The following DCDC2C variants were observed in gnomAD, a reference collection of about 807,000 sequenced individuals.
The protein encoded by DCDC2C is doublecortin domain-containing protein 2C.
DCDC2C carries 44 observed loss-of-function variants against 45.0 expected under a neutral mutation model. The observed-to-expected ratio is 0.98, with a 90% CI of 0.77 to 1.26. The LOEUF is 1.26. Among genes scored for constraint, DCDC2C ranks in the 50% most tolerant of loss-of-function variants. DCDC2C has a pLI of 0.00. For missense variants in DCDC2C, 447 were observed against 468.9 expected (o/e 0.95, Z 0.43); for synonymous variants, 187 against 178.8 (o/e 1.05, Z -0.37).
chr2:3,781,850 G>A (rs953849631), intron 9 of DCDC2C, among the ~76,000 whole-genome samples: 1 of 152,154 alleles, frequency 6.6e-6, no homozygotes, highest in African/African-American at 2.4e-5. Flanking sequence ...GGGTGACAGA[G>A]AGAGACTCTG....
At position 3,781,679 on chromosome 2, in the gene DCDC2C, G is replaced by C. The variant is rs1296086643; in HGVS notation, c.1023+2795G>C. Among the ~76,000 whole-genome samples, 7 of 152,138 alleles carry C rather than the reference G, an allele frequency of 4.6e-5. No individual in the cohort carries two copies. In the East Asian group the frequency reaches 1.3e-3, roughly 29 times the overall value. The stretch of plus-strand genomic sequence containing the variant: ...GTTTGAGAACAGCCTGAGAAACATA[G>C]TGAGACCCTGTTTCTACAAAAAATT... On this transcript the variant is annotated intron_variant, in intron 9 of 10. Coordinates refer to ENST00000399143, the MANE Select transcript of DCDC2C (RefSeq NM_001287444.2).
intron 8 of DCDC2C, 124 bp downstream of exon 8, chr2:3,769,535 C>T: frequency 1.2e-6 from 1 of 857,288 alleles, no homozygotes; most frequent in South Asian, 1.7e-5. Flanking sequence ...GTTCTGTGTT[C>T]CTCCTAGTTA....
chr2:3,746,675 G>A (rs1669373421), intron 4 of DCDC2C, among the ~76,000 whole-genome samples: 1 of 152,178 alleles, frequency 6.6e-6, no homozygotes, highest in Non-Finnish European at 1.5e-5. Flanking sequence ...ACATCTGGAA[G>A]AACATGTTCC....
chr2:3,723,763 C>A (rs1281843841), intron 2 of DCDC2C, among the ~76,000 whole-genome samples: 2 of 152,098 alleles, frequency 1.3e-5, no homozygotes, highest in Non-Finnish European at 1.5e-5. Flanking sequence ...GACGGATGCG[C>A]AGATGGCATA....
intron 10 of DCDC2C, among the ~76,000 whole-genome samples, chr2:3,842,828 G>A (rs529177207): frequency 6.6e-6 from 1 of 152,158 alleles, no homozygotes; most frequent in East Asian, 1.9e-4. Flanking sequence ...GCAACAGGAG[G>A]AGAAGGAAAG....
At chr2:3,770,178 A>G (rs1256710661) in intron 8 of DCDC2C, among the ~76,000 whole-genome samples, 1 of 152,214 alleles carries the variant, frequency 6.6e-6, no homozygotes, top group Non-Finnish European at 1.5e-5. Flanking sequence ...TTAGTTTTTG[A>G]GCAAAGAATG....
At chr2:3,789,453 T>G (rs1451412746) in intron 10 of DCDC2C, among the ~76,000 whole-genome samples, 1 of 152,246 alleles carries the variant, frequency 6.6e-6, no homozygotes, top group Non-Finnish European at 1.5e-5. Context: ...ATGCCATGCC[T>G]CTAATTGTTC....
chr2:3,721,843 G>A (rs970308873), intron 2 of DCDC2C, among the ~76,000 whole-genome samples: 3 of 152,110 alleles, frequency 2.0e-5, no homozygotes, highest in South Asian at 2.1e-4. Context: ...TTTGCCTGTC[G>A]CCATCTATGT....
chr2:3,719,470 C>T (rs939084692), intron 2 of DCDC2C, among the ~76,000 whole-genome samples: 1 of 152,182 alleles, frequency 6.6e-6, no homozygotes, highest in Non-Finnish European at 1.5e-5. Context: ...CTTCCTCATT[C>T]CGAGCTGGAG....
At chr2:3,825,813 G>C (rs1275355575) in intron 10 of DCDC2C, among the ~76,000 whole-genome samples, 1 of 152,174 alleles carries the variant, frequency 6.6e-6, no homozygotes, top group Non-Finnish European at 1.5e-5. Context: ...GGCCTGCTAG[G>C]GTTAGCCCGG....
At chr2:3,793,360 T>G (rs746159175) in intron 10 of DCDC2C, among the ~76,000 whole-genome samples, 5 of 152,220 alleles carry the variant, frequency 3.3e-5, no homozygotes, top group Non-Finnish European at 7.3e-5. Flanking sequence ...AGTGCCGCCT[T>G]CTGCATCGGA....
At chr2:3,719,018 G>C (rs545755174) in intron 2 of DCDC2C, among the ~76,000 whole-genome samples, 1 of 152,224 alleles carries the variant, frequency 6.6e-6, no homozygotes, top group South Asian at 2.1e-4. Context: ...ACTCGACCCA[G>C]GAAGTCCAGC....
chr2:3,740,176 A>C (rs1270495597), intron 3 of DCDC2C, among the ~76,000 whole-genome samples: 6 of 152,234 alleles, frequency 3.9e-5, no homozygotes, highest in African/African-American at 1.4e-4. Flanking sequence ...AATTTTTAAC[A>C]GCTGTATAAT....
intron 10 of DCDC2C, among the ~76,000 whole-genome samples, chr2:3,811,096 G>C (rs1671380003): frequency 6.6e-6 from 1 of 152,146 alleles, no homozygotes; most frequent in Non-Finnish European, 1.5e-5. Flanking sequence ...ACTTAAAATA[G>C]TTTTTTCTAA....
intron 10 of DCDC2C, among the ~76,000 whole-genome samples, chr2:3,787,972 G>T (rs186086344): frequency 1.3e-5 from 2 of 152,290 alleles, no homozygotes; most frequent in East Asian, 3.9e-4. Context: ...GAGCAGAGCT[G>T]CCATTCACTT....
intron 4 of DCDC2C, among the ~76,000 whole-genome samples, chr2:3,742,533 G>A (rs79451692): frequency 0.018 from 2,696 of 152,210 alleles, 77 homozygotes; most frequent in African/African-American, 0.062. Flanking sequence ...TGGGGGTCTG[G>A]CGTGGAGCAA....
chr2:3,743,893 C>A (rs1315932832), intron 4 of DCDC2C, among the ~76,000 whole-genome samples: 3 of 152,288 alleles, frequency 2.0e-5, no homozygotes, highest in South Asian at 2.1e-4. Context: ...CATGGTGAAA[C>A]CCCATCTCTA....
chr2:3,843,038 G>T (rs1672252578), intron 10 of DCDC2C, among the ~76,000 whole-genome samples: 4 of 152,182 alleles, frequency 2.6e-5, no homozygotes. Context: ...AAGGATTTTG[G>T]TCTTTATCCT....
intron 2 of DCDC2C, among the ~76,000 whole-genome samples, chr2:3,713,368 G>C (rs1042882539): frequency 2.0e-5 from 3 of 152,164 alleles, no homozygotes; most frequent in Non-Finnish European, 2.9e-5. Context: ...TGGGGCACAG[G>C]GTTCTCCATG....
Sources: gnomAD v4.1 joint callset for allele counts (sites outside exome capture counted in the v4.1 genomes callset) on GRCh38, gnomAD v4.1.1 for gene constraint, MANE v1.5 for transcripts, NCBI Gene and HGNC (gene_info 2026-07-23, HGNC 2026-07-21) for gene names.